The following ALMS1 variants were observed in gnomAD, a reference collection of about 807,000 sequenced individuals.
ALMS1 encodes centrosome-associated protein ALMS1.
ALMS1 carries 271 observed loss-of-function variants against 352.2 expected under a neutral mutation model. The observed-to-expected ratio is 0.77, with a 90% CI of 0.70 to 0.85. ALMS1 has a LOEUF of 0.85. ALMS1 is among the 40% of genes least tolerant of loss of function. The pLI, the probability that ALMS1 is intolerant of heterozygous loss-of-function variation, is 0.00. For missense variants in ALMS1, 5,445 were observed against 4,870.7 expected (o/e 1.12, Z -3.51); for synonymous variants, 1,865 against 1,761.2 (o/e 1.06, Z -1.48).
At chr2:73,385,802 G>C (rs1003354672), upstream of ALMS1, 2 of 664,524 alleles carry the variant, frequency 3.0e-6, no homozygotes, top group African/African-American at 3.6e-5. Context: ...CCGCCAGTCA[G>C]GGCTCTCCCC....
At chr2:73,571,119 C>G (rs1674918004) in intron 15 of ALMS1, among the ~76,000 whole-genome samples, 2 of 152,182 alleles carry the variant, frequency 1.3e-5, no homozygotes, top group South Asian at 4.1e-4. Context: ...ATTGTATAGT[C>G]TACATACTTT....
chr2:73,455,112 A>G, intron 8 of ALMS1, 50 bp from the exon 9 acceptor site: 1 of 1,604,316 alleles, frequency 6.2e-7, no homozygotes, highest in Non-Finnish European at 8.5e-7. Flanking sequence ...AATTGTTGAC[A>G]AATTATCACT....
Position 73,534,832 on chromosome 2 carries a change from T to C in ALMS1, c.9790T>C (p.Leu3264=). The C allele has an allele frequency of 6.2e-7, 1 of 1,613,528 alleles. No homozygotes were observed. Among genetic ancestry groups the C allele is most frequent in the Non-Finnish European group, 8.5e-7 (1 of 1,179,528 alleles). ...TFSRGTDGQP[L]LLPYKPSGST... ...GATTTTTACCTCCTTAGGCCAGCCT[T>C]TATTATTGCCATATAAGCCTTCTGG... Residue 3264 remains leucine, a synonymous_variant, in exon 12 of 23, where the codon TTA becomes CTA. Coordinates refer to ENST00000613296, the MANE Select transcript of ALMS1 (RefSeq NM_001378454.1).
At position 73,451,522 on chromosome 2, in the gene ALMS1, C is replaced by T. The variant is rs762003836; in HGVS notation, c.4995C>T (p.Tyr1665=). Residue 1665 remains tyrosine, a synonymous_variant, in exon 8 of 23, where the codon TAC becomes TAT. Coordinates refer to ENST00000613296, the MANE Select transcript of ALMS1 (RefSeq NM_001378454.1). ...TETLPVHSTS[Y]SNRGKPVIFY... is the part of the protein sequence containing the mutation. ...CATTACCAGTACATTCTACTAGCTA[C>T]TCAAATAGGGGGAAGCCTGTCATTT... 2 of 1,613,692 alleles carry T rather than the reference C, an allele frequency of 1.2e-6. No homozygotes were observed. The highest frequency in any genetic ancestry group is 4.5e-5 in the East Asian group (2 of 44,854).
intron 13 of ALMS1, 31 bp downstream of exon 13, chr2:73,550,468 CT>C: frequency 6.2e-7 from 1 of 1,612,162 alleles, no homozygotes; most frequent in Non-Finnish European, 8.5e-7. Context: ...TACTTTGTAG[CT>C]TTTTCTCCCC....
intron 15 of ALMS1, among the ~76,000 whole-genome samples, chr2:73,563,450 C>T (rs949385930): frequency 2.0e-5 from 3 of 151,936 alleles, no homozygotes; most frequent in Non-Finnish European, 4.4e-5. Flanking sequence ...GGGCAGGGTG[C>T]GGTGGCTCAC....
In ALMS1 at chr2:73,432,266, A is replaced by G. The variant is rs760775500; in HGVS notation, c.1407A>G (p.Pro469=). Residue 469 remains proline, a synonymous_variant, in exon 7 of 23, where the codon CCA becomes CCG. Coordinates refer to ENST00000613296, the MANE Select transcript of ALMS1 (RefSeq NM_001378454.1). ...RMLRMSPDTV[P]KAPKHLKAGD... is the part of the protein sequence containing the mutation. ...TGAGGATGTCTCCTGACACTGTGCC[A>G]AAGGCTCCTAAACATTTAAAAGCAG... 6.2e-7 allele frequency: 1 copy of G among 1,612,712 alleles called. No individual in the cohort carries two copies. The highest frequency in any genetic ancestry group is 8.5e-7 in the Non-Finnish European group (1 of 1,178,802).
chr2:73,540,534 A>C (rs574260470), intron 12 of ALMS1, among the ~76,000 whole-genome samples: 2 of 152,350 alleles, frequency 1.3e-5, no homozygotes, highest in South Asian at 4.1e-4. Context: ...TATTAATCTT[A>C]AATGTAAATG....
At chr2:73,395,076 A>ATTTTT (rs1343952124) in intron 1 of ALMS1, among the ~76,000 whole-genome samples, 2 of 108,264 alleles carry the variant, frequency 1.8e-5, no homozygotes, top group Non-Finnish European at 3.5e-5. Context: ...ATATATATAT[A>ATTTTT]TATTTTTTTT....
intron 10 of ALMS1, among the ~76,000 whole-genome samples, chr2:73,513,771 T>C (rs1673500254): frequency 6.6e-6 from 1 of 152,046 alleles, no homozygotes; most frequent in African/African-American, 2.4e-5. Flanking sequence ...CCTGATTTGG[T>C]GCTTTTATTG....
At chr2:73,486,214 T>G (rs1672839902) in intron 9 of ALMS1, among the ~76,000 whole-genome samples, 2 of 152,128 alleles carry the variant, frequency 1.3e-5, no homozygotes, top group South Asian at 2.1e-4. Flanking sequence ...AAGACCTTTG[T>G]TGGATATGAG....
chr2:73,386,298 G>A (rs577376918), intron 1 of ALMS1, 106 bp downstream of exon 1: 1,213 of 1,393,390 alleles, frequency 8.7e-4, no homozygotes, highest in Non-Finnish European at 1.1e-3. Flanking sequence ...CGGAGAAAAC[G>A]CGCGCAGCTG....
chr2:73,603,622 G>A (rs1308714823), intron 21 of ALMS1: 2 of 357,358 alleles, frequency 5.6e-6, no homozygotes, highest in South Asian at 4.5e-5. Flanking sequence ...CACTTAGGGA[G>A]GCCGAGGTGT....
At position 73,413,198 on chromosome 2, in the gene ALMS1, A is replaced by T. The variant is rs558105282; in HGVS notation, c.450+4451A>T. On this transcript the variant is annotated intron_variant, in intron 2 of 22. Coordinates refer to ENST00000613296, the MANE Select transcript of ALMS1 (RefSeq NM_001378454.1). The stretch of plus-strand genomic sequence containing the variant: ...TTTGTTTCATTTTTTGAGCTTTGGG[A>T]GTTCTTCATAGCTCTAGATGCAAGT... Among the ~76,000 whole-genome samples the T allele has an allele frequency of 2.0e-5, 3 of 151,532 alleles. No individual in the cohort carries two copies. In the South Asian group the frequency reaches 6.3e-4, roughly 32 times the overall value.
At position 73,424,736 on chromosome 2, in the gene ALMS1, T is replaced by C. The variant is rs771156823; in HGVS notation, c.1071T>C (p.Pro357=). The C allele has an allele frequency of 3.7e-6, 6 of 1,614,102 alleles. No homozygotes were observed. Among genetic ancestry groups the C allele is most frequent in the Non-Finnish European group, 5.1e-6 (6 of 1,179,982 alleles). ...AGACACGAAAAGATACACAGTGGCC[T>C]GAAAACAATTTAGCTGATAAAGATC... The part of the protein sequence containing the change: ...SWKTRKDTQW[P]ENNLADKDQV... Residue 357 remains proline (P), a synonymous_variant, in exon 5 of 23, where the codon CCT becomes CCC. Coordinates refer to ENST00000613296, the MANE Select transcript of ALMS1 (RefSeq NM_001378454.1).
intron 1 of ALMS1, among the ~76,000 whole-genome samples, chr2:73,395,758 A>G (rs999905098): frequency 2.0e-5 from 3 of 152,120 alleles, no homozygotes; most frequent in South Asian, 2.1e-4. Flanking sequence ...TTTTCTTTCC[A>G]ATCTGGATGC....
rs77440047 is a variant in ALMS1 at position 73,402,848 on chromosome 2, T to C, written c.325-5774T>C. On this transcript the variant is annotated intron_variant, in intron 1 of 22. Transcript: ENST00000613296. ...TTTTTTTCTGTTTTGGAGAAATGTT[T>C]GTTCAGGTCCGTTGCCCATTCTAAA... Among the ~76,000 whole-genome samples the C allele has an allele frequency of 9.8e-5, 15 of 152,318 alleles. No homozygotes were observed. In the East Asian group the frequency reaches 2.9e-3, roughly 29 times the overall value.
chr2:73,476,296 T>C (rs767192987), intron 9 of ALMS1, among the ~76,000 whole-genome samples: 1 of 152,180 alleles, frequency 6.6e-6, no homozygotes, highest in Non-Finnish European at 1.5e-5. Flanking sequence ...TCCATTCATC[T>C]GTTGATAGAC....
intron 1 of ALMS1, among the ~76,000 whole-genome samples, chr2:73,394,819 T>C (rs978634119): frequency 2.6e-5 from 4 of 151,986 alleles, no homozygotes; most frequent in African/African-American, 4.8e-5. Context: ...ACCTAGGCTA[T>C]ATAGTCTAAC....
Sources: allele counts gnomAD v4.1 joint callset (sites outside exome capture counted in the v4.1 genomes callset), GRCh38; gene constraint gnomAD v4.1.1; transcripts MANE v1.5; gene names NCBI Gene and HGNC (gene_info 2026-07-23, HGNC 2026-07-21).